Variants in STKLD1 observed in about 807,000 individuals in gnomAD.
STKLD1 encodes serine/threonine kinase-like domain-containing protein STKLD1.
In STKLD1, 79 loss-of-function variants were observed where a neutral mutation model predicts 80.4. The observed-to-expected ratio is 0.98, with a 90% CI of 0.82 to 1.19. The LOEUF (loss-of-function observed/expected upper bound fraction) is 1.19. Ranked by LOEUF, STKLD1 falls within the 50% of genes most tolerant of loss-of-function variation. STKLD1 has a pLI of 0.00. For synonymous variants in STKLD1, 393 were observed against 357.6 expected, an observed-to-expected ratio of 1.10 and a Z score of -1.12; for missense variants, 841 against 856.0, an observed-to-expected ratio of 0.98 and a Z score of 0.22.
chr9:133,397,837 C>T, intron 10 of STKLD1, 135 bp from the exon 11 acceptor site: 3 of 671,624 alleles, frequency 4.5e-6, no homozygotes, highest in Non-Finnish European at 7.6e-6. Flanking sequence ...GTAACAGCCC[C>T]TCCCTCTCAT....
chr9:133,395,546 A>C, intron 8 of STKLD1, 54 bp from the exon 9 acceptor site: 1 of 1,571,898 alleles, frequency 6.4e-7, no homozygotes, highest in Non-Finnish European at 8.7e-7. Flanking sequence ...CCATGCTGGG[A>C]CCTAGTTTTC....
intron 11 of STKLD1, among the ~76,000 whole-genome samples, chr9:133,398,721 G>C (rs1350844205): frequency 1.3e-5 from 2 of 152,340 alleles, no homozygotes; most frequent in East Asian, 3.9e-4. Flanking sequence ...TGAGGCTATA[G>C]TGAGCTACGC....
In STKLD1 at chr9:133,385,726, C is replaced by T. The variant is rs1346584787; in HGVS notation, c.294+35C>T. 5.6e-6 allele frequency: 9 copies of T among 1,597,840 alleles called. No individual in the cohort carries two copies. Among genetic ancestry groups the T allele is most frequent in the African/African-American group, 1.3e-5 (1 of 74,696 alleles). ...AGCTGACACCTACGGGCTCAGCCGCCACGCAGTGGGCTGCAGGACCAAGCA... is the reference window on the plus strand; with the variant it reads ...AGCTGACACCTACGGGCTCAGCCGCTACGCAGTGGGCTGCAGGACCAAGCA... On this transcript the variant is annotated intron_variant, in intron 4 of 17. Transcript: ENST00000371957. The surrounding 1 kb of genome is among the most constrained non-coding windows in gnomAD (Gnocchi z 4.9).
At chr9:133,401,286 C>T (rs1554777613) in intron 12 of STKLD1, among the ~76,000 whole-genome samples, 1 of 151,920 alleles carries the variant, frequency 6.6e-6, no homozygotes, top group South Asian at 2.1e-4. Context: ...CTACAGGCAC[C>T]CACCACCACG....
At chr9:133,402,775 T>C in intron 13 of STKLD1, 103 bp from the exon 14 acceptor site, 1 of 1,341,858 alleles carries the variant, frequency 7.5e-7, no homozygotes, top group East Asian at 2.5e-5. Context: ...AGCAGGCACC[T>C]AGGATTGCAG....
At position 133,385,869 on chromosome 9, in the gene STKLD1, G is replaced by A. The variant is rs1013511391; in HGVS notation, c.294+178G>A. ...TCACTGGGGCCAGGTACCATGCTGG[G>A]GGCTTTCGGTGCATAGTCTCATAGG... is the stretch of plus-strand genomic sequence containing the variant. On this transcript the variant is annotated intron_variant, in intron 4 of 17. Coordinates refer to ENST00000371957, the MANE Select transcript of STKLD1 (RefSeq NM_153710.5). This position sits in a 1 kb window ranked among gnomAD's most constrained non-coding sequence, Gnocchi z 4.9. Among the ~76,000 whole-genome samples, 2 of 152,100 alleles carry A rather than the reference G, an allele frequency of 1.3e-5. No homozygotes were observed. The highest frequency in any genetic ancestry group is 4.8e-5 in the African/African-American group (2 of 41,404).
At position 133,400,436 on chromosome 9, in the gene STKLD1, G is replaced by A. The variant is rs1554777411; in HGVS notation, c.1105G>A (p.Val369Met). Residue 369 changes from valine (V) to methionine (M), a missense_variant, in exon 12 of 18, where the codon GTG becomes ATG. By Grantham distance (21) the Val-to-Met change is conservative. Transcript: ENST00000371957. ...QLGLPWPPEL[V>M]EVVVTTMELH... ...AGGTCTGCCGTGGCCCCCGGAGCTG[G>A]TGGAGGTGGTGGTCACGACCATGGA... 1 of 1,613,046 alleles carries A rather than the reference G, an allele frequency of 6.2e-7. No individual in the cohort carries two copies. Among genetic ancestry groups the A allele is most frequent in the Admixed American group, 1.7e-5 (1 of 60,022 alleles).
At chr9:133,388,965 C>A in intron 5 of STKLD1, 1 of 985,404 alleles carries the variant, frequency 1.0e-6, no homozygotes, top group Non-Finnish European at 1.2e-6. Context: ...AGTGGGAGGA[C>A]GCCCACATCC....
intron 16 of STKLD1, 57 bp downstream of exon 16, chr9:133,404,105 C>G: frequency 6.7e-7 from 1 of 1,499,736 alleles, no homozygotes; most frequent in Middle Eastern, 2.4e-4. Context: ...GAATCAGCCC[C>G]CATCAGTTAC....
Position 133,389,193 on chromosome 9 carries a change from C to T in STKLD1, c.397-333C>T, listed in dbSNP as rs973288277. The T allele has an allele frequency of 2.0e-6, 2 of 985,396 alleles. No individual in the cohort carries two copies. Among genetic ancestry groups the T allele is most frequent in the South Asian group, 4.7e-5 (1 of 21,284 alleles). The allele number at this position is 985,396 out of a possible 1,614,324, so 61.0% of individuals were successfully genotyped here. On this transcript the variant is annotated intron_variant, in intron 5 of 17. Transcript: ENST00000371957. The surrounding 1 kb of genome is among the most constrained non-coding windows in gnomAD (Gnocchi z 6.4). ...TCCACCTCTCCCATACCCGCAAGGC[C>T]GATCTGCCTTCAGCTCCCAGCAAGT...
At chr9:133,376,689 C>G (rs1212971121) in intron 1 of STKLD1, 129 bp downstream of exon 1, 1 of 777,192 alleles carries the variant, frequency 1.3e-6, no homozygotes, top group African/African-American at 1.9e-5. Flanking sequence ...GCCTGCAGCT[C>G]CTAGGTTGAA....
chr9:133,399,664 G>A (rs1554777271), intron 11 of STKLD1, among the ~76,000 whole-genome samples: 1 of 152,216 alleles, frequency 6.6e-6, no homozygotes, highest in South Asian at 2.1e-4. Context: ...GATCACTTGA[G>A]ATCAGGAGTT....
At chr9:133,399,241 TCCATCCATCCACCCATCCAC>T (rs1838634594) in intron 11 of STKLD1, among the ~76,000 whole-genome samples, 1 of 152,190 alleles carries the variant, frequency 6.6e-6, no homozygotes. Context: ...CCTTCACATA[TCCATCCATCCACCCATCCAC>T]CCATCCATCC....
At position 133,403,733 on chromosome 9, in the gene STKLD1, T is replaced by C. The variant is rs782558712; in HGVS notation, c.1508T>C (p.Val503Ala). 3.1e-6 allele frequency: 5 copies of C among 1,613,732 alleles called. No individual in the cohort carries two copies. The highest frequency in any genetic ancestry group is 3.4e-6 in the Non-Finnish European group (4 of 1,179,934). Reference protein sequence around the residue: ...IIVNKAPLEKVPDLISQVLAT... With the variant: ...IIVNKAPLEKAPDLISQVLAT... ...GTGAACAAGGCCCCCTTGGAGAAGG[T>C]CCCGGACCTCATCAGCCAGGTGTTG... Residue 503 changes from valine to alanine, a missense_variant, in exon 15 of 18, where the codon GTC (valine) becomes GCC (alanine). Val to Ala is a moderately conservative substitution (Grantham distance 64). Transcript: ENST00000371957.
At chr9:133,393,249 A>G in intron 7 of STKLD1, among the ~76,000 whole-genome samples, 1 of 80,590 alleles carries the variant, frequency 1.2e-5, no homozygotes, top group Non-Finnish European at 2.4e-5. Flanking sequence ...GATGAATGGG[A>G]GGGTAGGTAA....
At position 133,404,852 on chromosome 9, in the gene STKLD1, A is replaced by G. The variant is rs782409044; in HGVS notation, c.1796A>G (p.Glu599Gly). 11 of 1,612,966 alleles carry G rather than the reference A, an allele frequency of 6.8e-6. No homozygotes were observed. The highest frequency in any genetic ancestry group is 9.3e-6 in the Non-Finnish European group (11 of 1,179,674). The change falls in exon 17 of 18, where the codon GAG becomes GGG. Residue 599 changes from glutamate (E) to glycine (G), a missense_variant. Physicochemically the swap from Glu to Gly is moderately conservative, Grantham distance 98. Transcript: ENST00000371957. ...EGGSGLSLIKETYQLHRDDPE... is the reference protein window; with the variant it reads ...EGGSGLSLIKGTYQLHRDDPE... Reference sequence around the variant, plus strand: ...GGCAGTGGCCTCAGCCTCATCAAGGAGACCTACCAGCTCCACAGGGACGAC... The same window carrying G: ...GGCAGTGGCCTCAGCCTCATCAAGGGGACCTACCAGCTCCACAGGGACGAC...
Position 133,390,848 on chromosome 9 carries a change from A to C in STKLD1, c.583+52A>C, listed in dbSNP as rs1336719011. On this transcript the variant is annotated intron_variant, in intron 7 of 17. Coordinates refer to ENST00000371957, the MANE Select transcript of STKLD1 (RefSeq NM_153710.5). The surrounding 1 kb of genome is among the most constrained non-coding windows in gnomAD (Gnocchi z 5.1). ...GAGAGGGGGTTGGCGCCTAGAATCCAGGCGGCGTTGGCCACTCTGGGTGCT... is the reference window on the plus strand; with the variant it reads ...GAGAGGGGGTTGGCGCCTAGAATCCCGGCGGCGTTGGCCACTCTGGGTGCT... The C allele has an allele frequency of 2.7e-6, 4 of 1,478,238 alleles. No individual in the cohort carries two copies. In the African/African-American group the frequency reaches 5.5e-5, roughly 21 times the overall value. 91.6% of individuals were successfully genotyped at this position (1,478,238 alleles called of 1,614,324 possible). A position where few individuals can be genotyped will look rare whatever the true frequency, so the allele number is the denominator to read the frequency against.
intron 7 of STKLD1, among the ~76,000 whole-genome samples, chr9:133,392,117 C>T (rs782250927): frequency 6.7e-6 from 1 of 149,828 alleles, no homozygotes; most frequent in South Asian, 2.1e-4. Context: ...CGCTCTGTCG[C>T]CCAGGCTGGA....
Position 133,384,008 on chromosome 9 carries a change from G to A in STKLD1, c.219+108G>A. ...TGGATGAAGAGAAGGCTGGAGGGAG[G>A]GATAGAGCATCAGCACCAGTTTTGC... On this transcript the variant is annotated intron_variant, in intron 3 of 17. Transcript: ENST00000371957. This position sits in a 1 kb window ranked among gnomAD's most constrained non-coding sequence, Gnocchi z 4.3. 9.0e-7 allele frequency: 1 copy of A among 1,111,310 alleles called. No individual in the cohort carries two copies. Among genetic ancestry groups the A allele is most frequent in the Non-Finnish European group, 1.4e-6 (1 of 735,956 alleles). 68.8% of individuals were successfully genotyped at this position (1,111,310 alleles called of 1,614,324 possible). A position where few individuals can be genotyped will look rare whatever the true frequency, so the allele number is the denominator to read the frequency against.
Sources: gnomAD v4.1 joint callset for allele counts (sites outside exome capture counted in the v4.1 genomes callset) on GRCh38, gnomAD v4.1.1 for gene constraint, Gnocchi (gnomAD v3.1) non-coding constraint, MANE v1.5 for transcripts, NCBI Gene and HGNC (gene_info 2026-07-23, HGNC 2026-07-21) for gene names.